MYOM2: variants seen among roughly 807,000 people sequenced by gnomAD.
MYOM2 encodes myomesin-2.
MYOM2 carries 254 observed loss-of-function variants against 187.6 expected under a neutral mutation model. That is an observed-to-expected ratio of 1.35 (90% CI 1.22 to 1.50). MYOM2 has a LOEUF of 1.50. Ranked by LOEUF, MYOM2 falls within the 40% of genes most tolerant of loss-of-function variation. The pLI, the probability that MYOM2 is intolerant of heterozygous loss-of-function variation, is 0.00. For synonymous variants in MYOM2, 981 were observed against 753.8 expected, an observed-to-expected ratio of 1.30 and a Z score of -4.94; for missense variants, 2,796 against 1,924.0, an observed-to-expected ratio of 1.45 and a Z score of -8.48.
At chr8:2,116,744 A>C (rs1044331389) in intron 27 of MYOM2, among the ~76,000 whole-genome samples, 2 of 152,076 alleles carry the variant, frequency 1.3e-5, no homozygotes, top group African/African-American at 4.8e-5. Context: ...ACATACCCCA[A>C]GGGTTTATTC....
At chr8:2,075,591 A>G (rs1168345696) in intron 10 of MYOM2, among the ~76,000 whole-genome samples, 1 of 152,202 alleles carries the variant, frequency 6.6e-6, no homozygotes, top group East Asian at 1.9e-4. Context: ...CAGTGTATTA[A>G]CTTTCTATGT....
chr8:2,095,678 C>T (rs1796457155), intron 17 of MYOM2, among the ~76,000 whole-genome samples: 1 of 152,162 alleles, frequency 6.6e-6, no homozygotes, highest in African/African-American at 2.4e-5. Flanking sequence ...TGACTCAGAG[C>T]TGGGGCAAGC....
intron 21 of MYOM2, among the ~76,000 whole-genome samples, chr8:2,104,713 C>G (rs1796834491): frequency 6.6e-6 from 1 of 152,126 alleles, no homozygotes; most frequent in South Asian, 2.1e-4. Context: ...GCTCTGGTGG[C>G]TCCGGTGAGG....
At chr8:2,111,588 T>A (rs1797069271) in intron 25 of MYOM2, among the ~76,000 whole-genome samples, 1 of 152,208 alleles carries the variant, frequency 6.6e-6, no homozygotes, top group Non-Finnish European at 1.5e-5. Context: ...ACTCTTGATA[T>A]TCGGAAGTAA....
intron 6 of MYOM2, among the ~76,000 whole-genome samples, chr8:2,062,641 G>A (rs7819286): frequency 0.46 from 69,159 of 151,766 alleles, 16,045 homozygotes; most frequent in Non-Finnish European, 0.48. Flanking sequence ...TTGGATTTCC[G>A]AAAGTTGTGG....
intron 25 of MYOM2, among the ~76,000 whole-genome samples, chr8:2,114,554 A>T (rs543343481): frequency 5.3e-5 from 8 of 152,264 alleles, no homozygotes; most frequent in East Asian, 3.9e-4. Flanking sequence ...GGTTCACTGC[A>T]TCCTCTGCCT....
At chr8:2,099,099 C>G in intron 19 of MYOM2, 116 bp downstream of exon 19, 6 of 1,342,506 alleles carry the variant, frequency 4.5e-6, no homozygotes, top group African/African-American at 1.5e-5. Context: ...TCCTCCGACA[C>G]CCGCAGCCGC....
intron 32 of MYOM2, among the ~76,000 whole-genome samples, chr8:2,139,508 A>G (rs1798201856): frequency 6.6e-6 from 1 of 152,186 alleles, no homozygotes; most frequent in African/African-American, 2.4e-5. Context: ...GAAAAAGGCT[A>G]TGATGGTGAG....
intron 13 of MYOM2, among the ~76,000 whole-genome samples, chr8:2,079,871 A>C (rs1381534164): frequency 1.3e-5 from 2 of 152,252 alleles, no homozygotes; most frequent in Non-Finnish European, 2.9e-5. Flanking sequence ...TGGGGTTTAC[A>C]AAGGCGTTCT....
chr8:2,079,704 A>C lies in MYOM2; in HGVS notation c.1516+91A>C. ...GAGAGATGGACAGAGAACGCCCCCT[A>C]CTGGGCACGGCCTCTGCATGGAAAA... On this transcript the variant is annotated intron_variant, in intron 13 of 36. Coordinates refer to ENST00000262113, the MANE Select transcript of MYOM2 (RefSeq NM_003970.4). 6.0e-6 allele frequency: 8 copies of C among 1,324,408 alleles called. No individual in the cohort carries two copies. The South Asian group carries it at 9.4e-5, about 16-fold the overall frequency. 82.0% of individuals were successfully genotyped at this position (1,324,408 alleles called of 1,614,324 possible). A position where few individuals can be genotyped will look rare whatever the true frequency, so the allele number is the denominator to read the frequency against.
At position 2,090,162 on chromosome 8, in the gene MYOM2, C is replaced by A. The variant is rs200560063; in HGVS notation, c.1799C>A (p.Thr600Lys). The change falls in exon 15 of 37, where the codon ACG becomes AAG. Residue 600 changes from threonine to lysine, a missense_variant. Coordinates refer to ENST00000262113, the MANE Select transcript of MYOM2 (RefSeq NM_003970.4). ...RHGLSEPSEI[T>K]SPIQAQDVTV... ...GGCCTGAGCGAACCTTCGGAGATAA[C>A]GTCCCCCATTCAGGCCCAGGATGTG... 4 of 1,613,896 alleles carry A rather than the reference C, an allele frequency of 2.5e-6. No homozygotes were observed. In the East Asian group the frequency reaches 6.7e-5, roughly 27 times the overall value.
At chr8:2,094,200 A>G in intron 17 of MYOM2, 109 bp downstream of exon 17, 2 of 1,394,828 alleles carry the variant, frequency 1.4e-6, no homozygotes, top group Non-Finnish European at 2.0e-6. Flanking sequence ...GGAAAAGGGG[A>G]CTAAATTCCT....
Position 2,117,932 on chromosome 8 carries a change from G to C in MYOM2, c.3433G>C (p.Glu1145Gln). 2 of 1,613,192 alleles carry C rather than the reference G, an allele frequency of 1.2e-6. No individual in the cohort carries two copies. Among genetic ancestry groups the C allele is most frequent in the Non-Finnish European group, 1.7e-6 (2 of 1,179,566 alleles). The change falls in exon 28 of 37, where the codon GAA becomes CAA. Residue 1145 changes from glutamate (E) to glutamine (Q), a missense_variant. Coordinates refer to ENST00000262113, the MANE Select transcript of MYOM2 (RefSeq NM_003970.4). Reference sequence around the variant, plus strand: ...GCACTGGGATGTCACGGAAGAATGTGAAGTTCGACTTGTTTGCAAGGTGAG... The same window carrying C: ...GCACTGGGATGTCACGGAAGAATGTCAAGTTCGACTTGTTTGCAAGGTGAG... Reference protein sequence around the residue: ...YLHWDVTEECEVRLVCKVANT... With the variant: ...YLHWDVTEECQVRLVCKVANT...
At chr8:2,048,856 C>G (rs569336974) in intron 1 of MYOM2, among the ~76,000 whole-genome samples, 8 of 150,884 alleles carry the variant, frequency 5.3e-5, no homozygotes, top group Non-Finnish European at 1.2e-4. Context: ...GTGGCGCGAT[C>G]TCGGCTCACT....
At chr8:2,049,169 G>A (rs968641483) in intron 1 of MYOM2, among the ~76,000 whole-genome samples, 48 of 152,176 alleles carry the variant, frequency 3.2e-4, no homozygotes, top group African/African-American at 9.4e-4. Flanking sequence ...TCTAAAACAC[G>A]GCTGGGCCCT....
In MYOM2 at chr8:2,116,964, C is replaced by T. The variant is rs193068298; in HGVS notation, c.3385+689C>T. On this transcript the variant is annotated intron_variant, in intron 27 of 36. Coordinates refer to ENST00000262113, the MANE Select transcript of MYOM2 (RefSeq NM_003970.4). ...TTAGTAGAGACGGACGGGGTTTCAC[C>T]GTGTTAACCAGGATGGTCTCGATCT... is the stretch of plus-strand genomic sequence containing the variant. Among the ~76,000 whole-genome samples the T allele has an allele frequency of 7.3e-3, 1,116 of 152,072 alleles. 15 individuals are homozygous for T. The highest frequency in any genetic ancestry group is 0.049 in the East Asian group (253 of 5,146).
At chr8:2,075,210 C>T (rs1819376675) in intron 10 of MYOM2, among the ~76,000 whole-genome samples, 1 of 152,178 alleles carries the variant, frequency 6.6e-6, no homozygotes, top group African/African-American at 2.4e-5. Flanking sequence ...TTAGACACTC[C>T]CGCCAAGTTT....
intron 32 of MYOM2, 83 bp downstream of exon 32, chr8:2,129,315 G>T (rs574817937): frequency 1.2e-6 from 1 of 833,796 alleles, no homozygotes; most frequent in South Asian, 1.6e-5. Context: ...GCTCCCTGGG[G>T]AACATCAAGG....
chr8:2,143,906 A>G (rs142769180), intron 36 of MYOM2, among the ~76,000 whole-genome samples: 9 of 152,330 alleles, frequency 5.9e-5, no homozygotes, highest in African/African-American at 2.2e-4. Context: ...CTCTGCTCCT[A>G]TTCTCAAGGT....
Sources: allele counts gnomAD v4.1 joint callset (sites outside exome capture counted in the v4.1 genomes callset), GRCh38; gene constraint gnomAD v4.1.1; transcripts MANE v1.5; gene names NCBI Gene and HGNC (gene_info 2026-07-23, HGNC 2026-07-21).